Variants in SMPD4 observed in about 807,000 individuals in gnomAD.
The protein encoded by SMPD4 is sphingomyelin phosphodiesterase 4, also known as neutral sphingomyelinase 3.
Under a neutral mutation model 97.8 loss-of-function variants are expected in SMPD4, and 58 were observed. The ratio of observed to expected loss-of-function variants is 0.59; its 90% CI spans 0.48 to 0.74. The LOEUF (loss-of-function observed/expected upper bound fraction) is 0.74, where lower values mean the gene tolerates loss of function less well. Among genes scored for constraint, SMPD4 ranks in the 30% least tolerant of loss-of-function variants. SMPD4 has a pLI of 0.00. For missense variants in SMPD4, 853 were observed against 1,080.5 expected, an observed-to-expected ratio of 0.79 and a Z score of 2.95; for synonymous variants, 388 against 450.0, an observed-to-expected ratio of 0.86 and a Z score of 1.74.
chr2:130,180,288 C>A (rs1244185459), intron 1 of SMPD4, among the ~76,000 whole-genome samples: 1 of 145,054 alleles, frequency 6.9e-6, no homozygotes, highest in Admixed American at 6.9e-5. Flanking sequence ...TTTTTTCAGA[C>A]GGAGTCTCGC....
chr2:130,181,637 G>T (rs550453578), upstream of SMPD4: 21 of 1,562,236 alleles, frequency 1.3e-5, no homozygotes, highest in African/African-American at 2.4e-4. Context: ...GCGGCCGGGC[G>T]GGAAAAGCGC....
At chr2:130,157,477 G>T in intron 11 of SMPD4, 81 bp from the exon 12 acceptor site, 3 of 1,574,874 alleles carry the variant, frequency 1.9e-6, no homozygotes, top group Non-Finnish European at 2.6e-6. Context: ...ACCACATCCC[G>T]CCCTGAGCCA....
intron 10 of SMPD4, 74 bp downstream of exon 10, chr2:130,164,300 T>C: frequency 1.5e-6 from 2 of 1,336,026 alleles, no homozygotes; most frequent in Non-Finnish European, 2.2e-6. Context: ...GAAAACTCAC[T>C]CAGAGGCAGG....
At position 130,156,762 on chromosome 2, in the gene SMPD4, T is replaced by C. The variant is rs368346676; in HGVS notation, c.1098-87A>G. ...ACCCCAGGGCTCCCATCAGTGAGGG[T>C]TGGCTCCGCCGGGGGAGAGCACTGG... On this transcript the variant is annotated intron_variant, in intron 12 of 19. Transcript: ENST00000680298. 137 of 1,558,888 alleles carry C rather than the reference T, an allele frequency of 8.8e-5. No individual in the cohort carries two copies. In the South Asian group the frequency reaches 1.3e-3, roughly 14 times the overall value.
chr2:130,160,952 G>A (rs1206477905), intron 11 of SMPD4, among the ~76,000 whole-genome samples: 1 of 152,138 alleles, frequency 6.6e-6, no homozygotes, highest in Admixed American at 6.6e-5. Context: ...AGGGCCACAT[G>A]CCCACATGCC....
chr2:130,167,311 T>C lies in SMPD4; in HGVS notation c.792+147A>G, dbSNP rs201601382. 180 of 1,058,322 alleles carry C rather than the reference T, an allele frequency of 1.7e-4. 1 individual carries two copies. In the East Asian group the frequency reaches 4.8e-3, roughly 28 times the overall value. 65.6% of individuals were successfully genotyped at this position (1,058,322 alleles called of 1,614,324 possible). A position where few individuals can be genotyped will look rare whatever the true frequency, so the allele number is the denominator to read the frequency against. ...AATTTTTGTGTTTTTAGTAGAGACGTGGTTTCACCATGCTGGCCAGGTTGG... is the reference window on the plus strand; with the variant it reads ...AATTTTTGTGTTTTTAGTAGAGACGCGGTTTCACCATGCTGGCCAGGTTGG... On this transcript the variant is annotated intron_variant, in intron 9 of 19. Coordinates refer to ENST00000680298, the MANE Select transcript of SMPD4 (RefSeq NM_017951.5).
chr2:130,171,114 C>T (rs919201207), intron 8 of SMPD4, among the ~76,000 whole-genome samples: 4 of 146,152 alleles, frequency 2.7e-5, no homozygotes, highest in African/African-American at 7.9e-5. Context: ...AAACCCAAAC[C>T]ATATATATAT....
intron 3 of SMPD4, 27 bp from the exon 4 acceptor site, chr2:130,173,683 T>G: frequency 6.2e-7 from 1 of 1,613,464 alleles, no homozygotes; most frequent in South Asian, 1.1e-5. Context: ...TGAAGCCGCG[T>G]GCAGGACCAG....
At chr2:130,167,022 C>T (rs1344449370) in intron 9 of SMPD4, among the ~76,000 whole-genome samples, 4 of 152,250 alleles carry the variant, frequency 2.6e-5, no homozygotes, top group African/African-American at 7.2e-5. Context: ...CTAAATGTCA[C>T]AGCAGGAAAA....
intron 1 of SMPD4, among the ~76,000 whole-genome samples, chr2:130,177,568 G>C (rs1422155296): frequency 1.3e-5 from 2 of 151,924 alleles, no homozygotes; most frequent in African/African-American, 4.8e-5. Context: ...ATGATGGTGG[G>C]TGCCTATAAT....
chr2:130,171,576 T>G (rs1158953178), intron 8 of SMPD4, among the ~76,000 whole-genome samples: 1 of 152,204 alleles, frequency 6.6e-6, no homozygotes, highest in Non-Finnish European at 1.5e-5. Flanking sequence ...CACTGATCAC[T>G]GCCGCTACCT....
Position 130,172,674 on chromosome 2 carries a change from G to A in SMPD4, c.458C>T (p.Pro153Leu), listed in dbSNP as rs755218803. 6.8e-6 allele frequency: 11 copies of A among 1,614,088 alleles called. No homozygotes were observed. In the South Asian group the frequency reaches 7.7e-5, roughly 11 times the overall value. The change falls in exon 7 of 20, where the codon CCG (proline) becomes CTG (leucine). Residue 153 changes from proline (P) to leucine (L), a missense_variant. Coordinates refer to ENST00000680298, the MANE Select transcript of SMPD4 (RefSeq NM_017951.5). Reference sequence around the variant, plus strand: ...AAAGAAGAATATGTAATACTCGAACGGATCTGAGAGCAGCGTCAGGGGCAA... The same window carrying A: ...AAAGAAGAATATGTAATACTCGAACAGATCTGAGAGCAGCGTCAGGGGCAA... ...GGLGLNLALN[P>L]FEYYIFFFAL...
At chr2:130,174,625 T>G (rs1458325024) in intron 3 of SMPD4, among the ~76,000 whole-genome samples, 4 of 152,178 alleles carry the variant, frequency 2.6e-5, no homozygotes, top group Non-Finnish European at 4.4e-5. Flanking sequence ...CCTCTACTTC[T>G]TAGAAGCTAG....
At chr2:130,156,774 G>C (rs1233207014) in intron 12 of SMPD4, 99 bp from the exon 13 acceptor site, 5 of 1,553,296 alleles carry the variant, frequency 3.2e-6, no homozygotes, top group African/African-American at 2.7e-5. Context: ...GGCTCCGCCG[G>C]GGGAGAGCAC....
At chr2:130,170,819 C>G (rs1258821625) in intron 8 of SMPD4, among the ~76,000 whole-genome samples, 1 of 151,434 alleles carries the variant, frequency 6.6e-6, no homozygotes, top group African/African-American at 2.4e-5. Context: ...AGCACTTTGT[C>G]TGAGGCCAAG....
intron 8 of SMPD4, among the ~76,000 whole-genome samples, chr2:130,168,145 T>C (rs1490408996): frequency 6.6e-6 from 1 of 152,164 alleles, no homozygotes; most frequent in African/African-American, 2.4e-5. Context: ...GTTGAGGCTA[T>C]AGTGACAAAT....
chr2:130,174,746 G>A (rs533969564), intron 3 of SMPD4, among the ~76,000 whole-genome samples, 168 bp downstream of exon 3: 1 of 152,316 alleles, frequency 6.6e-6, no homozygotes, highest in African/African-American at 2.4e-5. Context: ...TGATCTACAA[G>A]TTCACATGTT....
rs72994912 is a variant in SMPD4 at position 130,179,102 on chromosome 2, T to C, written c.-46+2428A>G. Among the ~76,000 whole-genome samples, 169 of 150,322 alleles carry C rather than the reference T, an allele frequency of 1.1e-3. 2 individuals are homozygous for C. Among genetic ancestry groups the C allele is most frequent in the African/African-American group, 3.9e-3 (159 of 41,006 alleles). On this transcript the variant is annotated intron_variant, in intron 1 of 19. Transcript: ENST00000680298. Reference sequence around the variant, plus strand: ...TCTCTGCCTCTCGGCAATAGGAACATCTCCCAAGTTTTTTCAATTCTTTTT... The same window carrying C: ...TCTCTGCCTCTCGGCAATAGGAACACCTCCCAAGTTTTTTCAATTCTTTTT...
Position 130,153,933 on chromosome 2 carries a change from G to C in SMPD4, c.1662C>G (p.Val554=). Residue 554 remains valine (V), a splice_region_variant and synonymous_variant, in exon 17 of 20, where the codon GTC becomes GTG. Transcript: ENST00000680298. ...GTGTGATGAGCTGAGCGAGGCGCAG[G>C]ACCTGCAAGGGAGGCGCGGGCAGGT... ...PMFGPEARTL[V]LRLAQLITQA... is the part of the protein sequence containing the mutation. The C allele has an allele frequency of 6.2e-7, 1 of 1,612,972 alleles. No homozygotes were observed. The highest frequency in any genetic ancestry group is 8.5e-7 in the Non-Finnish European group (1 of 1,179,544).
Sources: allele counts gnomAD v4.1 joint callset (sites outside exome capture counted in the v4.1 genomes callset), GRCh38; gene constraint gnomAD v4.1.1; transcripts MANE v1.5; gene names NCBI Gene and HGNC (gene_info 2026-07-23, HGNC 2026-07-21).